TEAD1: variants seen among roughly 807,000 people sequenced by gnomAD.
TEAD1 encodes transcriptional enhancer factor TEF-1.
In TEAD1, 9 loss-of-function variants were observed where a neutral mutation model predicts 54.9. The observed-to-expected ratio is 0.16, with a 90% CI of 0.10 to 0.29. The LOEUF (loss-of-function observed/expected upper bound fraction) is 0.29, where lower values mean the gene tolerates loss of function less well. Ranked by LOEUF, TEAD1 falls within the 10% of genes least tolerant of loss-of-function variation. The pLI is 1.00. For missense variants in TEAD1, 387 were observed against 535.9 expected (o/e 0.72, Z 2.74); for synonymous variants, 200 against 187.8 (o/e 1.07, Z -0.53).
intron 2 of TEAD1, among the ~76,000 whole-genome samples, chr11:12,737,184 C>T (rs1409479853): frequency 1.3e-5 from 2 of 152,098 alleles, no homozygotes; most frequent in East Asian, 1.9e-4. Flanking sequence ...AGGAATTGCT[C>T]AGTTACATTA....
intron 2 of TEAD1, among the ~76,000 whole-genome samples, chr11:12,681,298 C>T (rs1302427823): frequency 6.6e-6 from 1 of 152,174 alleles, no homozygotes; most frequent in Non-Finnish European, 1.5e-5. Context: ...AAGTTTGATA[C>T]TGTTTTTAAA....
chr11:12,770,018 T>G (rs1017352068), intron 3 of TEAD1, among the ~76,000 whole-genome samples: 2 of 152,212 alleles, frequency 1.3e-5, no homozygotes, highest in Non-Finnish European at 2.9e-5. Context: ...TATTTAATGA[T>G]CTTAGATTGA....
Position 12,755,742 on chromosome 11 carries a change from C to T in TEAD1, c.-54-8437C>T, listed in dbSNP as rs534190792. 1.1e-4 allele frequency among the ~76,000 whole-genome samples: 16 copies of T among 152,308 alleles called. No homozygotes were observed. The East Asian group carries it at 3.1e-3, about 29-fold the overall frequency. On this transcript the variant is annotated intron_variant, in intron 2 of 12. Coordinates refer to ENST00000527636, the MANE Select transcript of TEAD1 (RefSeq NM_021961.6). ...CGAGTCATGTCCTCTGGTTCACGCT[C>T]ACTTTGGGCATGCACTGTCTTGGTA...
chr11:12,705,539 A>G lies in TEAD1; in HGVS notation c.-55+29978A>G, dbSNP rs7931367. On this transcript the variant is annotated intron_variant, in intron 2 of 12. Transcript: ENST00000527636. ...TTGTGTGAGTTTATGCCAGGCAAAC[A>G]TGAGTAAAACCAATTCCTTCCAACA... 9.6e-3 allele frequency among the ~76,000 whole-genome samples: 1,466 copies of G among 152,238 alleles called. 24 individuals are homozygous for G. The highest frequency in any genetic ancestry group is 0.033 in the African/African-American group (1,358 of 41,536).
chr11:12,863,536 C>T (rs1026827784), intron 4 of TEAD1, among the ~76,000 whole-genome samples: 4 of 152,112 alleles, frequency 2.6e-5, no homozygotes, highest in South Asian at 2.1e-4. Context: ...AGCTCAAAGA[C>T]AAAGTTAAAG....
At chr11:12,726,780 G>C (rs1368408473) in intron 2 of TEAD1, among the ~76,000 whole-genome samples, 1 of 152,178 alleles carries the variant, frequency 6.6e-6, no homozygotes, top group Non-Finnish European at 1.5e-5. Context: ...TGAGGCTACA[G>C]TGAGCTGAGA....
At chr11:12,688,365 G>T (rs1313306331) in intron 2 of TEAD1, among the ~76,000 whole-genome samples, 3 of 152,210 alleles carry the variant, frequency 2.0e-5, no homozygotes, top group Non-Finnish European at 4.4e-5. Flanking sequence ...GTGGGAGGCA[G>T]TGGGGCTGGT....
intron 2 of TEAD1, among the ~76,000 whole-genome samples, chr11:12,718,366 G>T (rs1944108783): frequency 6.6e-6 from 1 of 152,124 alleles, no homozygotes; most frequent in Non-Finnish European, 1.5e-5. Flanking sequence ...TTGTCTTGGG[G>T]GCATGACAAG....
At chr11:12,706,732 C>T (rs1041439827) in intron 2 of TEAD1, among the ~76,000 whole-genome samples, 1 of 152,112 alleles carries the variant, frequency 6.6e-6, no homozygotes, top group Non-Finnish European at 1.5e-5. Context: ...CTGGTGTGGC[C>T]GGGCCAGATG....
At position 12,943,559 on chromosome 11, in the gene TEAD1, A is replaced by C. The variant is rs1949179793; in HGVS notation, c.*6337A>C. On this transcript the variant is annotated 3_prime_UTR_variant, in exon 13 of 13. Coordinates refer to ENST00000527636, the MANE Select transcript of TEAD1 (RefSeq NM_021961.6). Reference sequence around the variant, plus strand: ...CATTGAGTCACTCATGCTACACTACATCGCTTTAGTATTTGAGATGGCATT... The same window carrying C: ...CATTGAGTCACTCATGCTACACTACCTCGCTTTAGTATTTGAGATGGCATT... 6.6e-6 allele frequency: 1 copy of C among 152,346 alleles called. No individual in the cohort carries two copies. Among genetic ancestry groups the C allele is most frequent in the African/African-American group, 2.4e-5 (1 of 41,452 alleles). 9.4% of individuals were successfully genotyped at this position (152,346 alleles called of 1,614,324 possible). A position where few individuals can be genotyped will look rare whatever the true frequency, so the allele number is the denominator to read the frequency against.
chr11:12,816,671 C>T (rs1427608071), intron 3 of TEAD1, among the ~76,000 whole-genome samples: 2 of 152,144 alleles, frequency 1.3e-5, no homozygotes, highest in Non-Finnish European at 2.9e-5. Flanking sequence ...AAGCCAGGTA[C>T]AAGACTTCCA....
chr11:12,887,143 C>T (rs774684941), intron 9 of TEAD1, among the ~76,000 whole-genome samples: 1 of 140,580 alleles, frequency 7.1e-6, no homozygotes, highest in Non-Finnish European at 1.5e-5. Flanking sequence ...GTCACTCAGG[C>T]TGGAGTGCGG....
intron 10 of TEAD1, among the ~76,000 whole-genome samples, chr11:12,911,325 A>G (rs1234017533): frequency 6.6e-6 from 1 of 152,222 alleles, no homozygotes; most frequent in Non-Finnish European, 1.5e-5. Flanking sequence ...TTGGAGTCTC[A>G]GCTTGTTTCT....
intron 2 of TEAD1, among the ~76,000 whole-genome samples, chr11:12,713,624 G>A (rs77423395): frequency 6.6e-6 from 1 of 152,138 alleles, no homozygotes; most frequent in Admixed American, 6.5e-5. Context: ...AGCAGATCCT[G>A]GCAGCATTCT....
At chr11:12,699,373 A>G (rs1943649583) in intron 2 of TEAD1, among the ~76,000 whole-genome samples, 1 of 152,186 alleles carries the variant, frequency 6.6e-6, no homozygotes, top group Non-Finnish European at 1.5e-5. Flanking sequence ...TGTCTGGTTA[A>G]AAAAATTCCA....
chr11:12,855,680 A>C (rs1027981805), intron 3 of TEAD1, among the ~76,000 whole-genome samples: 1 of 150,494 alleles, frequency 6.6e-6, no homozygotes, highest in Admixed American at 6.6e-5. Context: ...ACAGTAGTTC[A>C]CGCCTGTAAT....
intron 3 of TEAD1, among the ~76,000 whole-genome samples, chr11:12,853,724 G>A (rs1317781131): frequency 1.1e-4 from 17 of 152,194 alleles, no homozygotes; most frequent in Admixed American, 7.9e-4. Context: ...CAAGGCAAAT[G>A]TGTAGTTTGT....
chr11:12,728,223 T>G (rs911864733), intron 2 of TEAD1, among the ~76,000 whole-genome samples: 2 of 152,204 alleles, frequency 1.3e-5, no homozygotes, highest in Non-Finnish European at 2.9e-5. Flanking sequence ...AAGGGACAGT[T>G]GTAGCTGCCT....
Position 12,943,663 on chromosome 11 carries a change from T to C in TEAD1, c.*6441T>C, listed in dbSNP as rs1466541819. The C allele has an allele frequency of 6.6e-6, 1 of 152,186 alleles. No homozygotes were observed. The highest frequency in any genetic ancestry group is 1.5e-5 in the Non-Finnish European group (1 of 68,038). The allele number at this position is 152,186 out of a possible 1,614,324, so 9.4% of individuals were successfully genotyped here. A position where few individuals can be genotyped will look rare whatever the true frequency, so the allele number is the denominator to read the frequency against. On this transcript the variant is annotated 3_prime_UTR_variant, in exon 13 of 13. Coordinates refer to ENST00000527636, the MANE Select transcript of TEAD1 (RefSeq NM_021961.6). ...TCTGTCAGGTGGACTCTTGTCTGCC[T>C]TCCATGATGAGATTTTTTTTCTCCT...
Sources: allele counts gnomAD v4.1 joint callset (sites outside exome capture counted in the v4.1 genomes callset), GRCh38; gene constraint gnomAD v4.1.1; transcripts MANE v1.5; gene names NCBI Gene and HGNC (gene_info 2026-07-23, HGNC 2026-07-21).